The following MRPS28 variants were observed in gnomAD, a reference collection of about 807,000 sequenced individuals.
MRPS28 encodes small ribosomal subunit protein bS1m.
In MRPS28, 7 loss-of-function variants were observed where a neutral mutation model predicts 10.8. The ratio of observed to expected loss-of-function variants is 0.65; its 90% confidence interval spans 0.37 to 1.22. The LOEUF is 1.22. Ranked by LOEUF, MRPS28 falls within the 50% of genes most tolerant of loss-of-function variation. The pLI is 0.02. For missense variants in MRPS28, 265 were observed against 232.9 expected, an observed-to-expected ratio of 1.14 and a Z score of -0.90; for synonymous variants, 121 against 93.3, an observed-to-expected ratio of 1.30 and a Z score of -1.71.
intron 2 of MRPS28, among the ~76,000 whole-genome samples, chr8:79,919,722 CTTTAA>C (rs1191324413): frequency 3.9e-5 from 6 of 152,152 alleles, no homozygotes; most frequent in African/African-American, 7.2e-5. Context: ...CTGGTGTTTG[CTTTAA>C]TTTGTCAATT....
At chr8:80,017,452 T>C (rs1809225577) in intron 1 of MRPS28, among the ~76,000 whole-genome samples, 1 of 152,090 alleles carries the variant, frequency 6.6e-6, no homozygotes, top group Admixed American at 6.5e-5. Flanking sequence ...CCCATGAACA[T>C]TAAAGAAATA....
chr8:79,976,171 C>T (rs1224327362), intron 2 of MRPS28, among the ~76,000 whole-genome samples: 3 of 151,954 alleles, frequency 2.0e-5, no homozygotes, highest in South Asian at 2.1e-4. Context: ...GCAACCTCTG[C>T]CTCCCGGGTT....
chr8:79,961,407 T>G (rs951593263), intron 2 of MRPS28, among the ~76,000 whole-genome samples: 2 of 152,132 alleles, frequency 1.3e-5, no homozygotes, highest in African/African-American at 2.4e-5. Flanking sequence ...TGATGCAATT[T>G]TCTATGGACC....
At chr8:79,958,446 G>A (rs1239677596) in intron 2 of MRPS28, 3 of 656,140 alleles carry the variant, frequency 4.6e-6, no homozygotes, top group East Asian at 5.7e-5. Flanking sequence ...CTGAGTGAAG[G>A]AGAAAATGTT....
chr8:80,030,075 C>G lies in MRPS28; in HGVS notation c.174G>C (p.Arg58=). The G allele has an allele frequency of 6.2e-7, 1 of 1,613,698 alleles. No individual in the cohort carries two copies. The highest frequency in any genetic ancestry group is 8.5e-7 in the Non-Finnish European group (1 of 1,179,776). ...RAGGFASALE[R]HSELLQKVEP... The stretch of plus-strand genomic sequence containing the variant: ...CCACCTTCTGTAGAAGCTCCGAGTG[C>G]CGCTCCAACGCGCTCGCGAAACCGC... The change falls in exon 1 of 3, where the codon CGG becomes CGC. Residue 58 remains arginine, a synonymous_variant. Transcript: ENST00000276585.
chr8:79,997,758 G>A (rs1258477704), intron 2 of MRPS28, among the ~76,000 whole-genome samples: 7 of 151,994 alleles, frequency 4.6e-5, no homozygotes, highest in Admixed American at 4.6e-4. Flanking sequence ...AACACATTCT[G>A]AAATGAGTAC....
chr8:80,013,595 TTGC>T (rs1809113682), intron 1 of MRPS28, among the ~76,000 whole-genome samples: 1 of 130,136 alleles, frequency 7.7e-6, no homozygotes, highest in African/African-American at 3.0e-5. Flanking sequence ...GACTGCGCCA[TTGC>T]ACTCCAGCCT....
intron 2 of MRPS28, among the ~76,000 whole-genome samples, chr8:79,920,806 G>A (rs1278135585): frequency 2.6e-5 from 4 of 152,130 alleles, no homozygotes; most frequent in Non-Finnish European, 5.9e-5. Context: ...GATCCCATTT[G>A]TCAATTTTGG....
chr8:79,946,623 A>G lies in MRPS28; in HGVS notation c.396-27475T>C, dbSNP rs1266702173. On this transcript the variant is annotated intron_variant, in intron 2 of 2. Coordinates refer to ENST00000276585, the MANE Select transcript of MRPS28 (RefSeq NM_014018.3). ...CAACAAATAAACCATTATATTTACA[A>G]TGATTATCTCTGAGTGGTAGGATTT... Among the ~76,000 whole-genome samples, 4 of 152,126 alleles carry G rather than the reference A, an allele frequency of 2.6e-5. No individual in the cohort carries two copies. In the East Asian group the frequency reaches 5.8e-4, roughly 22 times the overall value.
intron 2 of MRPS28, among the ~76,000 whole-genome samples, chr8:79,950,032 GAAA>G (rs1807040966): frequency 6.6e-6 from 1 of 151,750 alleles, no homozygotes; most frequent in South Asian, 2.1e-4. Context: ...AAAAAGTAAA[GAAA>G]AACACATGAA....
At chr8:79,991,372 G>A (rs1562986) in intron 2 of MRPS28, among the ~76,000 whole-genome samples, 112,314 of 152,070 alleles carry the variant, frequency 0.74, 41,681 homozygotes, top group East Asian at 0.85. Context: ...GAAGCAGTAT[G>A]GACTTTTAAA....
chr8:80,013,583 G>A (rs374248357), intron 1 of MRPS28, among the ~76,000 whole-genome samples: 2 of 137,216 alleles, frequency 1.5e-5, no homozygotes, highest in Admixed American at 8.1e-5. Context: ...ACGGTGAGCT[G>A]AGACTGCGCC....
intron 2 of MRPS28, among the ~76,000 whole-genome samples, chr8:79,978,537 C>T (rs111275666): frequency 0.012 from 1,759 of 152,144 alleles, 17 homozygotes; most frequent in Middle Eastern, 0.051. Context: ...TCTCAGTTTC[C>T]TTGTCTAAAA....
At chr8:80,007,015 A>C (rs1341130441) in intron 1 of MRPS28, among the ~76,000 whole-genome samples, 1 of 152,212 alleles carries the variant, frequency 6.6e-6, no homozygotes, top group Non-Finnish European at 1.5e-5. Context: ...CGATGCAAAA[A>C]TCCTCAATAA....
chr8:79,922,941 G>C (rs2129852129), intron 2 of MRPS28, among the ~76,000 whole-genome samples: 1 of 152,174 alleles, frequency 6.6e-6, no homozygotes, highest in South Asian at 2.1e-4. Context: ...GACTACATAT[G>C]ATTAGTCTCC....
chr8:79,975,389 T>C (rs571321139), intron 2 of MRPS28, among the ~76,000 whole-genome samples: 1 of 152,226 alleles, frequency 6.6e-6, no homozygotes, highest in South Asian at 2.1e-4. Flanking sequence ...GCAAAAGCCT[T>C]TGTAAGTATG....
At chr8:79,961,237 G>C (rs778448995) in intron 2 of MRPS28, among the ~76,000 whole-genome samples, 3 of 152,050 alleles carry the variant, frequency 2.0e-5, no homozygotes, top group East Asian at 1.9e-4. Context: ...TGGAATTCAG[G>C]AGAAATGCAG....
intron 2 of MRPS28, among the ~76,000 whole-genome samples, chr8:79,953,221 T>G (rs1220545970): frequency 6.6e-6 from 1 of 152,184 alleles, no homozygotes; most frequent in African/African-American, 2.4e-5. Flanking sequence ...TCCAGTTGCG[T>G]ATTCCATGAC....
At chr8:79,966,894 G>A (rs1041709032) in intron 2 of MRPS28, among the ~76,000 whole-genome samples, 8 of 152,020 alleles carry the variant, frequency 5.3e-5, no homozygotes, top group Non-Finnish European at 1.0e-4. Flanking sequence ...CTATTCCAAG[G>A]TATAAATTGT....
Sources: allele counts gnomAD v4.1 joint callset (sites outside exome capture counted in the v4.1 genomes callset), GRCh38; gene constraint gnomAD v4.1.1; transcripts MANE v1.5; gene names NCBI Gene and HGNC (gene_info 2026-07-23, HGNC 2026-07-21).